Variants in COL11A1 observed in about 807,000 individuals in gnomAD.
COL11A1 encodes collagen alpha-1(XI) chain.
Under a neutral mutation model 265.2 loss-of-function variants are expected in COL11A1, and 74 were observed. That is an observed-to-expected ratio of 0.28 (90% CI 0.23 to 0.34). The LOEUF (loss-of-function observed/expected upper bound fraction) is 0.34, where lower values mean the gene tolerates loss of function less well. Among genes scored for constraint, COL11A1 ranks in the 10% least tolerant of loss-of-function variants. The pLI is 1.00. For missense variants in COL11A1, 2,165 were observed against 2,263.6 expected, an observed-to-expected ratio of 0.96 and a Z score of 0.88; for synonymous variants, 816 against 727.6, an observed-to-expected ratio of 1.12 and a Z score of -1.96.
intron 31 of COL11A1, among the ~76,000 whole-genome samples, chr1:102,983,317 A>T (rs1459750165): frequency 6.6e-6 from 1 of 152,096 alleles, no homozygotes; most frequent in African/African-American, 2.4e-5. Context: ...ATTTATATCC[A>T]TATACAAATC....
At chr1:103,052,077 C>G (rs539493850) in intron 4 of COL11A1, among the ~76,000 whole-genome samples, 2 of 152,106 alleles carry the variant, frequency 1.3e-5, no homozygotes, top group Non-Finnish European at 2.9e-5. Flanking sequence ...CTAACAGTCC[C>G]CAAGACCTAC....
At position 102,888,289 on chromosome 1, in the gene COL11A1, T is replaced by A. The variant is rs545318470; in HGVS notation, c.4608+288A>T. ...CAAGTAAAAATGTATCTTTACGGCA[T>A]AAAATAAGTTGGTTTCATTAACGTG... On this transcript the variant is annotated intron_variant, in intron 62 of 66. Transcript: ENST00000370096. Among the ~76,000 whole-genome samples, 6 of 152,270 alleles carry A rather than the reference T, an allele frequency of 3.9e-5. No homozygotes were observed. The East Asian group carries it at 1.2e-3, about 29-fold the overall frequency.
At position 102,877,967 on chromosome 1, in the gene COL11A1, G is replaced by A. The variant is rs1649694613; in HGVS notation, c.*52C>T. The A allele has an allele frequency of 6.3e-7, 1 of 1,592,208 alleles. No homozygotes were observed. The highest frequency in any genetic ancestry group is 1.7e-4 in the Middle Eastern group (1 of 6,006). Reference sequence around the variant, plus strand: ...ACTTGCATGTGGCACAAAATGGGTTGGTGGCACCAAGGTATATTTTCTGTT... The same window carrying A: ...ACTTGCATGTGGCACAAAATGGGTTAGTGGCACCAAGGTATATTTTCTGTT... On this transcript the variant is annotated 3_prime_UTR_variant, in exon 67 of 67. Coordinates refer to ENST00000370096, the MANE Select transcript of COL11A1 (RefSeq NM_001854.4).
chr1:103,040,612 A>T (rs1170406891), intron 4 of COL11A1, among the ~76,000 whole-genome samples: 3 of 151,594 alleles, frequency 2.0e-5, no homozygotes, highest in Non-Finnish European at 4.4e-5. Context: ...TCCCCCTCCC[A>T]AAATAAATTC....
At chr1:102,981,966 A>C (rs1445578493) in intron 31 of COL11A1, among the ~76,000 whole-genome samples, 2 of 151,952 alleles carry the variant, frequency 1.3e-5, no homozygotes, top group Non-Finnish European at 2.9e-5. Flanking sequence ...TTTTAGTAAA[A>C]AAAAAATTTA....
chr1:102,930,427 T>C (rs1657262519), intron 46 of COL11A1, among the ~76,000 whole-genome samples: 1 of 152,016 alleles, frequency 6.6e-6, no homozygotes, highest in East Asian at 1.9e-4. Flanking sequence ...CAGCCTTGCA[T>C]CCCAGGGATG....
chr1:103,082,893 T>C lies in COL11A1; in HGVS notation c.186A>G (p.Thr62=), dbSNP rs781635585. 6.2e-7 allele frequency: 1 copy of C among 1,613,744 alleles called. No individual in the cohort carries two copies. ...EGISKTTGFC[T]NRKNSKGSDT... The stretch of plus-strand genomic sequence containing the variant: ...CTGAGCCTTTAGAATTCTTTCTGTT[T>C]GTGCAAAATCCCGTTGTTTTTGATA... The change falls in exon 2 of 67, where the codon ACA becomes ACG. Residue 62 remains threonine, a synonymous_variant. Transcript: ENST00000370096.
chr1:103,005,841 G>A lies in COL11A1; in HGVS notation c.1842C>T (p.His614=). The part of the protein sequence containing the change: ...GLPGLPGDKG[H]RGERGPQGPP... ...AAAAGGAATAGATGTATCTTACCCT[G>A]TGACCTTTGTCACCTGGCAGACCCG... The change falls in exon 18 of 67, where the codon CAC becomes CAT. Residue 614 remains histidine, a synonymous_variant. Transcript: ENST00000370096. 1.2e-6 allele frequency: 2 copies of A among 1,613,930 alleles called. No homozygotes were observed. The highest frequency in any genetic ancestry group is 1.7e-6 in the Non-Finnish European group (2 of 1,179,958).
rs561440758 is a variant in COL11A1 at position 102,938,065 on chromosome 1, C to A, written c.3438+970G>T. Among the ~76,000 whole-genome samples the A allele has an allele frequency of 4.7e-4, 71 of 152,258 alleles. 1 individual carries two copies. Among genetic ancestry groups the A allele is most frequent in the African/African-American group, 1.7e-3 (70 of 41,560 alleles). On this transcript the variant is annotated intron_variant, in intron 44 of 66. Transcript: ENST00000370096. ...CTACAATTATTACTACAAGCTTTTT[C>A]TCTTTTCATTCTAGTGTTTTCTTTT...
chr1:102,914,493 C>A, intron 51 of COL11A1, 88 bp from the exon 52 acceptor site: 3 of 1,273,668 alleles, frequency 2.4e-6, no homozygotes, highest in South Asian at 2.7e-5. Flanking sequence ...AGGTTAAAGT[C>A]ATGACAAAAC....
At chr1:102,902,857 G>T (rs1653396903) in intron 54 of COL11A1, among the ~76,000 whole-genome samples, 1 of 150,624 alleles carries the variant, frequency 6.6e-6, no homozygotes, top group Non-Finnish European at 1.5e-5. Context: ...CATAGTACAT[G>T]CATATACAAG....
At position 102,973,155 on chromosome 1, in the gene COL11A1, G is replaced by T. The variant is rs77372651; in HGVS notation, c.2808+1675C>A. Among the ~76,000 whole-genome samples the T allele has an allele frequency of 1.5e-4, 23 of 151,900 alleles. No homozygotes were observed. The East Asian group carries it at 4.5e-3, about 29-fold the overall frequency. ...ATAAAACTGCATACTAGAGAAATGG[G>T]GTATTTTTATTTCATGCTCTAATGT... On this transcript the variant is annotated intron_variant, in intron 36 of 66. Transcript: ENST00000370096.
At chr1:103,005,752 T>A (rs1406307063) in intron 18 of COL11A1, 86 bp downstream of exon 18, 1 of 1,499,516 alleles carries the variant, frequency 6.7e-7, no homozygotes, top group East Asian at 2.3e-5. Context: ...AATTAATTTT[T>A]CTTCTTTTTC....
chr1:103,075,432 C>T (rs888255966), intron 3 of COL11A1, among the ~76,000 whole-genome samples: 1 of 152,058 alleles, frequency 6.6e-6, no homozygotes, highest in East Asian at 1.9e-4. Context: ...CCAGGGTTGG[C>T]AGATGTGGAA....
At chr1:103,068,764 C>T (rs576508806) in intron 4 of COL11A1, among the ~76,000 whole-genome samples, 8 of 150,746 alleles carry the variant, frequency 5.3e-5, no homozygotes, top group South Asian at 2.1e-4. Context: ...TATAAAAAAT[C>T]GTGTTTTCTA....
chr1:102,923,574 C>T (rs576922845), intron 46 of COL11A1, among the ~76,000 whole-genome samples, 185 bp from the exon 47 acceptor site: 41 of 152,126 alleles, frequency 2.7e-4, no homozygotes, highest in African/African-American at 9.6e-4. Context: ...AATCTTACAC[C>T]TACATTTACA....
Position 102,962,186 on chromosome 1 carries a change from G to A in COL11A1, c.3104C>T (p.Pro1035Leu). 1.2e-6 allele frequency: 2 copies of A among 1,612,452 alleles called. No homozygotes were observed. The highest frequency in any genetic ancestry group is 1.7e-6 in the Non-Finnish European group (2 of 1,178,628). ...AGATATTGATTATACCTGAGCTCCA[G>A]GAAGACCTCTTTCCCCTGGGAAACC... ...LRGFPGERGL[P>L]GAQGAPGLKG... is the part of the protein sequence containing the mutation. Residue 1035 changes from proline to leucine, a missense_variant, in exon 40 of 67, where the codon CCT becomes CTT. Transcript: ENST00000370096.
intron 58 of COL11A1, 132 bp from the exon 59 acceptor site, chr1:102,889,694 C>T (rs145341276): frequency 1.7e-5 from 12 of 706,030 alleles, no homozygotes; most frequent in Non-Finnish European, 3.0e-5. Context: ...CATTAAAATA[C>T]CCTTCTGAAT....
Position 103,001,978 on chromosome 1 carries a change from A to C in COL11A1, c.2098-9T>G. 1 of 1,610,688 alleles carries C rather than the reference A, an allele frequency of 6.2e-7. No individual in the cohort carries two copies. The highest frequency in any genetic ancestry group is 2.2e-5 in the East Asian group (1 of 44,826). On this transcript the variant is annotated splice_polypyrimidine_tract_variant and intron_variant, in intron 23 of 66. Coordinates refer to ENST00000370096, the MANE Select transcript of COL11A1 (RefSeq NM_001854.4). ...TGTGGACCAGGAAGACCCTATTTTA[A>C]AAGAATTTATTTCATATATCAGATA...
Sources: gnomAD v4.1 joint callset for allele counts (sites outside exome capture counted in the v4.1 genomes callset) on GRCh38, gnomAD v4.1.1 for gene constraint, MANE v1.5 for transcripts, NCBI Gene and HGNC (gene_info 2026-07-23, HGNC 2026-07-21) for gene names.